Variants in TMEM177 observed in about 807,000 individuals in gnomAD.
The protein encoded by TMEM177 is transmembrane protein 177.
A neutral mutation model predicts 14.2 loss-of-function variants in TMEM177; 4 were observed. The observed-to-expected ratio is 0.28, with a 90% confidence interval of 0.14 to 0.64. The LOEUF (loss-of-function observed/expected upper bound fraction) is 0.64, where lower values mean the gene tolerates loss of function less well. Among genes scored for constraint, TMEM177 ranks in the 30% least tolerant of loss-of-function variants. The pLI is 0.82. For missense variants in TMEM177, 344 were observed against 405.2 expected, an observed-to-expected ratio of 0.85 and a Z score of 1.30; for synonymous variants, 179 against 174.5, an observed-to-expected ratio of 1.03 and a Z score of -0.20.
chr2:119,689,181 C>T (rs1181001913), downstream of TMEM177, among the ~76,000 whole-genome samples: 1 of 152,184 alleles, frequency 6.6e-6, no homozygotes, highest in Admixed American at 6.5e-5. Flanking sequence ...GCAATCCTGT[C>T]TTTGTGTCTG....
chr2:119,683,847 C>G (rs1255637710), downstream of TMEM177, among the ~76,000 whole-genome samples: 4 of 152,206 alleles, frequency 2.6e-5, no homozygotes, highest in Admixed American at 1.3e-4. Flanking sequence ...CTCAGGCCAC[C>G]TCAGGCCCTC....
the TMEM177 span, among the ~76,000 whole-genome samples, chr2:119,709,622 C>A: frequency 6.6e-6 from 1 of 152,144 alleles, no homozygotes; most frequent in Admixed American, 6.5e-5. Flanking sequence ...GAGATTGAGA[C>A]CATCCTGGCT....
At chr2:119,719,141 A>C in the TMEM177 span, among the ~76,000 whole-genome samples, 1 of 152,172 alleles carries the variant, frequency 6.6e-6, no homozygotes, top group East Asian at 1.9e-4. Context: ...CCCATGACTC[A>C]GATTAAGAAA....
chr2:119,693,906 C>CA, the TMEM177 span, among the ~76,000 whole-genome samples: 2 of 151,698 alleles, frequency 1.3e-5, no homozygotes, highest in Non-Finnish European at 2.9e-5. Flanking sequence ...CACCACACAT[C>CA]ACATACACAT....
Position 119,681,683 on chromosome 2 carries a change from A to G in TMEM177, c.830A>G (p.Asn277Ser), listed in dbSNP as rs1279247152. The change falls in exon 2 of 2, where the codon AAC becomes AGC. Residue 277 changes from asparagine to serine, a missense_variant. Asn to Ser is a conservative substitution (Grantham distance 46). Coordinates refer to ENST00000272521, the MANE Select transcript of TMEM177 (RefSeq NM_030577.3). ...DGEKLYTPSG[N>S]IVPRHLFRIK... ...GAGAAGCTGTATACACCCAGCGGGA[A>G]CATCGTCCCCAGACACTTGTTCCGA... 2.5e-6 allele frequency: 4 copies of G among 1,614,068 alleles called. No homozygotes were observed. The highest frequency in any genetic ancestry group is 3.4e-6 in the Non-Finnish European group (4 of 1,180,046).
At chr2:119,716,230 T>C in the TMEM177 span, among the ~76,000 whole-genome samples, 46,551 of 152,020 alleles carry the variant, frequency 0.31, 7,367 homozygotes, top group African/African-American at 0.38. Context: ...TGGAGACTAG[T>C]GTGTCCCACC....
chr2:119,707,335 G>A, the TMEM177 span, among the ~76,000 whole-genome samples: 2 of 152,192 alleles, frequency 1.3e-5, no homozygotes, highest in Admixed American at 6.5e-5. Flanking sequence ...TTATCAGCCT[G>A]AACAAAATCA....
the TMEM177 span, among the ~76,000 whole-genome samples, chr2:119,716,752 G>A: frequency 1.3e-5 from 2 of 152,138 alleles, no homozygotes; most frequent in Non-Finnish European, 2.9e-5. Flanking sequence ...TTATTTGGGG[G>A]TCTCTCTCTT....
the TMEM177 span, among the ~76,000 whole-genome samples, chr2:119,712,131 G>A: frequency 6.6e-6 from 1 of 151,914 alleles, no homozygotes; most frequent in African/African-American, 2.4e-5. Context: ...CCTTGATGCG[G>A]CTTCCTAGAT....
At chr2:119,702,970 G>A in the TMEM177 span, among the ~76,000 whole-genome samples, 1 of 152,194 alleles carries the variant, frequency 6.6e-6, no homozygotes, top group Non-Finnish European at 1.5e-5. Context: ...CTGTGACCGG[G>A]CAGGAGCCCG....
chr2:119,694,295 C>T, the TMEM177 span, among the ~76,000 whole-genome samples: 2 of 151,140 alleles, frequency 1.3e-5, no homozygotes, highest in Admixed American at 6.6e-5. Flanking sequence ...CACACACACA[C>T]ACACACACTA....
the TMEM177 span, among the ~76,000 whole-genome samples, chr2:119,717,215 C>T: frequency 3.9e-5 from 6 of 152,022 alleles, no homozygotes; most frequent in African/African-American, 1.4e-4. Flanking sequence ...ATGCAGGGCC[C>T]CTTGTGTAAA....
the TMEM177 span, among the ~76,000 whole-genome samples, chr2:119,695,923 A>G: frequency 6.6e-6 from 1 of 152,324 alleles, no homozygotes; most frequent in African/African-American, 2.4e-5. Flanking sequence ...AAAGAAGGGG[A>G]CTGGCTCTGC....
the TMEM177 span, among the ~76,000 whole-genome samples, chr2:119,718,563 A>G: frequency 6.6e-6 from 1 of 152,226 alleles, no homozygotes; most frequent in Non-Finnish European, 1.5e-5. Context: ...AATGAGGCTC[A>G]TATTTCAGAG....
the TMEM177 span, among the ~76,000 whole-genome samples, chr2:119,722,280 G>T: frequency 6.6e-6 from 1 of 151,966 alleles, no homozygotes; most frequent in South Asian, 2.1e-4. Context: ...ACCTAGGAGG[G>T]GATACGTGGA....
chr2:119,690,253 GCT>G (rs1010208477), downstream of TMEM177, among the ~76,000 whole-genome samples: 13 of 151,982 alleles, frequency 8.6e-5, no homozygotes, highest in African/African-American at 3.1e-4. Flanking sequence ...TTTCCCCTTC[GCT>G]CTCTCCTTCC....
the TMEM177 span, among the ~76,000 whole-genome samples, chr2:119,697,756 C>T: frequency 2.0e-5 from 3 of 152,172 alleles, no homozygotes; most frequent in African/African-American, 7.2e-5. Flanking sequence ...CTCCTCTTCA[C>T]AGCAACCTCG....
chr2:119,682,020 T>C lies in TMEM177; in HGVS notation c.*231T>C. 1 of 526,272 alleles carries C rather than the reference T, an allele frequency of 1.9e-6. No homozygotes were observed. The highest frequency in any genetic ancestry group is 3.4e-6 in the Non-Finnish European group (1 of 291,872). The allele number at this position is 526,272 out of a possible 1,614,324, so 32.6% of individuals were successfully genotyped here. The stretch of plus-strand genomic sequence containing the variant: ...TGTTTCTTGAACTGTAAAGTGGAGA[T>C]GATGTAAACCGCCTTGCAAGATTGT... On this transcript the variant is annotated 3_prime_UTR_variant, in exon 2 of 2. Transcript: ENST00000272521.
the TMEM177 span, chr2:119,698,703 G>C: frequency 6.4e-6 from 1 of 157,244 alleles, no homozygotes; most frequent in South Asian, 1.9e-4. Context: ...TTCACTTTAA[G>C]AACACTCTTG....
Sources: gnomAD v4.1 joint callset for allele counts (sites outside exome capture counted in the v4.1 genomes callset) on GRCh38, gnomAD v4.1.1 for gene constraint, MANE v1.5 for transcripts, NCBI Gene and HGNC (gene_info 2026-07-23, HGNC 2026-07-21) for gene names.